The following PAX3 variants were observed in gnomAD, a reference collection of about 807,000 sequenced individuals.
PAX3 encodes the protein paired box 3.
Under a neutral mutation model 51.6 loss-of-function variants are expected in PAX3, and 14 were observed. The observed-to-expected ratio is 0.27, with a 90% confidence interval of 0.18 to 0.42. The LOEUF is 0.42. Ranked by LOEUF, PAX3 falls within the 10% of genes least tolerant of loss-of-function variation. The pLI is 1.00. For missense variants in PAX3, 540 were observed against 642.8 expected (o/e 0.84, Z 1.73); for synonymous variants, 280 against 253.4 (o/e 1.11, Z -1.00).
chr2:222,235,144 T>C (rs1434928702), intron 4 of PAX3, among the ~76,000 whole-genome samples: 1 of 152,222 alleles, frequency 6.6e-6, no homozygotes, highest in African/African-American at 2.4e-5. Flanking sequence ...AAATCGTCTC[T>C]GGTTTCTGAA....
intron 4 of PAX3, among the ~76,000 whole-genome samples, chr2:222,269,065 G>A (rs1395633575): frequency 1.3e-5 from 2 of 152,198 alleles, no homozygotes; most frequent in Non-Finnish European, 2.9e-5. Flanking sequence ...CAGTGGAGGA[G>A]CCTTGGTAAG....
intron 5 of PAX3, among the ~76,000 whole-genome samples, chr2:222,221,994 C>T (rs1480155462): frequency 6.6e-6 from 1 of 151,378 alleles, no homozygotes; most frequent in Non-Finnish European, 1.5e-5. Flanking sequence ...GAAATGAAAG[C>T]CTTTTTTTAT....
At chr2:222,295,712 G>A (rs1320023249) in intron 2 of PAX3, 55 bp from the exon 3 acceptor site, 22 of 1,609,156 alleles carry the variant, frequency 1.4e-5, no homozygotes, top group Non-Finnish European at 1.9e-5. Flanking sequence ...GCCAGGTGGC[G>A]GCGGCCCCAC....
rs543637075 is a variant in PAX3, at chr2:222,215,184, G to A, written c.1173+4956C>T. On this transcript the variant is annotated intron_variant, in intron 7 of 8. Coordinates refer to ENST00000392070, the MANE Select transcript of PAX3 (RefSeq NM_181458.4). Reference sequence around the variant, plus strand: ...CAAACGGCTTCATAGGGAAAAAAATGTCAGTGATATAAGAGTAAATGAATC... The same window carrying A: ...CAAACGGCTTCATAGGGAAAAAAATATCAGTGATATAAGAGTAAATGAATC... Among the ~76,000 whole-genome samples, 6 of 152,238 alleles carry A rather than the reference G, an allele frequency of 3.9e-5. No homozygotes were observed. The South Asian group carries it at 1.2e-3, about 32-fold the overall frequency.
At chr2:222,221,817 T>C (rs1692206045) in intron 5 of PAX3, 1 of 201,542 alleles carries the variant, frequency 5.0e-6, no homozygotes, top group Non-Finnish European at 1.0e-5. Context: ...GTATTTTATA[T>C]TCTTATTAGT....
At chr2:222,298,092 A>T (rs2106206497) in intron 1 of PAX3, 1 of 158,500 alleles carries the variant, frequency 6.3e-6, no homozygotes, top group Non-Finnish European at 1.3e-5. Flanking sequence ...GTTAGCCACC[A>T]CAACTTTGCA....
At chr2:222,255,631 C>G (rs1693608863) in intron 4 of PAX3, among the ~76,000 whole-genome samples, 1 of 152,124 alleles carries the variant, frequency 6.6e-6, no homozygotes, top group East Asian at 1.9e-4. Flanking sequence ...ACTCAGATAC[C>G]TTGATGTTAG....
Position 222,290,253 on chromosome 2 carries a change from C to A in PAX3, c.586+3914G>T, listed in dbSNP as rs185058858. On this transcript the variant is annotated intron_variant, in intron 4 of 8. Transcript: ENST00000392070. The stretch of plus-strand genomic sequence containing the variant: ...GATTAATCTTCTCCTACCTCCCCCC[C>A]AAAAAGCTGAAGTCGTCCTCGTTAA... Among the ~76,000 whole-genome samples, 783 of 152,180 alleles carry A rather than the reference C, an allele frequency of 5.1e-3. 9 individuals are homozygous for A. The highest frequency in any genetic ancestry group is 0.018 in the African/African-American group (742 of 41,464).
At chr2:222,254,691 T>C (rs1693569674) in intron 4 of PAX3, among the ~76,000 whole-genome samples, 2 of 152,236 alleles carry the variant, frequency 1.3e-5, no homozygotes, top group African/African-American at 4.8e-5. Flanking sequence ...GATGATACTC[T>C]ACAGTATAAA....
At chr2:222,267,618 C>T (rs910332531) in intron 4 of PAX3, among the ~76,000 whole-genome samples, 2 of 151,954 alleles carry the variant, frequency 1.3e-5, no homozygotes, top group African/African-American at 4.8e-5. Context: ...TTATTTGGGA[C>T]ATTTTGTGGT....
chr2:222,233,754 A>T (rs1692698513), intron 4 of PAX3, among the ~76,000 whole-genome samples: 1 of 152,136 alleles, frequency 6.6e-6, no homozygotes, highest in African/African-American at 2.4e-5. Context: ...TCTTGAACAC[A>T]TCCAAATGTG....
intron 4 of PAX3, among the ~76,000 whole-genome samples, chr2:222,243,753 AG>A (rs1322986514): frequency 6.6e-6 from 1 of 152,238 alleles, no homozygotes; most frequent in African/African-American, 2.4e-5. Context: ...AAAAAGAAAA[AG>A]GGTAGCACAG....
chr2:222,283,269 A>G (rs1694709730), intron 4 of PAX3, among the ~76,000 whole-genome samples: 1 of 152,364 alleles, frequency 6.6e-6, no homozygotes, highest in South Asian at 2.1e-4. Flanking sequence ...CAAAAAAATC[A>G]AGGTGCAGAA....
rs371337189 is a variant in PAX3, at chr2:222,280,324, G to T, written c.586+13843C>A. Among the ~76,000 whole-genome samples, 27 of 135,672 alleles carry T rather than the reference G, an allele frequency of 2.0e-4. No individual in the cohort carries two copies. The East Asian group carries it at 2.6e-3, about 13-fold the overall frequency. The allele number at this position is 135,672 out of a possible 152,430, so 89.0% of individuals were successfully genotyped here. ...GGGAGGGAAGGAGGGAGGAGGGGGA[G>T]GGGAGGGGAGGGAGGAAGGAAAGAA... On this transcript the variant is annotated intron_variant, in intron 4 of 8. Transcript: ENST00000392070.
chr2:222,281,865 G>C (rs1694658907), intron 4 of PAX3, among the ~76,000 whole-genome samples: 1 of 152,114 alleles, frequency 6.6e-6, no homozygotes, highest in South Asian at 2.1e-4. Context: ...ATTTCCATAG[G>C]CAAGTCAGAG....
chr2:222,298,646 C>T lies in PAX3; in HGVS notation c.-31G>A, dbSNP rs1054830861. 2 of 1,577,684 alleles carry T rather than the reference C, an allele frequency of 1.3e-6. No homozygotes were observed. The highest frequency in any genetic ancestry group is 2.3e-5 in the East Asian group (1 of 43,096). On this transcript the variant is annotated 5_prime_UTR_variant, in exon 1 of 9. Transcript: ENST00000392070. ...GGGCAGCTTCGCTCGGAAATTATAT[C>T]CAGGTGAAGGCGAAACGGAAAGGCG...
At chr2:222,225,872 G>A (rs1017062826) in intron 5 of PAX3, among the ~76,000 whole-genome samples, 14 of 152,192 alleles carry the variant, frequency 9.2e-5, no homozygotes, top group African/African-American at 3.4e-4. Context: ...TCACTCTGTG[G>A]TGTCCAGCCA....
intron 4 of PAX3, among the ~76,000 whole-genome samples, chr2:222,259,883 C>T (rs1354329251): frequency 3.3e-5 from 5 of 151,592 alleles, no homozygotes; most frequent in Admixed American, 3.3e-4. Context: ...TTTTCTGATC[C>T]TCACTTTCTT....
intron 4 of PAX3, among the ~76,000 whole-genome samples, chr2:222,234,638 G>T (rs894677568): frequency 5.9e-5 from 9 of 152,166 alleles, no homozygotes; most frequent in Non-Finnish European, 1.0e-4. Context: ...CCAAGAGTTT[G>T]CATGTCTAAC....
Sources: gnomAD v4.1 joint callset for allele counts (sites outside exome capture counted in the v4.1 genomes callset) on GRCh38, gnomAD v4.1.1 for gene constraint, MANE v1.5 for transcripts, NCBI Gene and HGNC (gene_info 2026-07-23, HGNC 2026-07-21) for gene names.